PHACTR3: variants seen among roughly 807,000 people sequenced by gnomAD.
The protein encoded by PHACTR3 is protein phosphatase 1, regulatory subunit 123.
Under a neutral mutation model 66.8 loss-of-function variants are expected in PHACTR3, and 16 were observed. That is an observed-to-expected ratio of 0.24 (90% CI 0.16 to 0.36). PHACTR3 has a LOEUF of 0.36. Among genes scored for constraint, PHACTR3 ranks in the 10% least tolerant of loss-of-function variants. The pLI is 1.00. For missense variants in PHACTR3, 647 were observed against 719.9 expected, an observed-to-expected ratio of 0.90 and a Z score of 1.16; for synonymous variants, 323 against 292.1, an observed-to-expected ratio of 1.11 and a Z score of -1.08.
At chr20:59,674,097 G>A (rs1298523802) in intron 1 of PHACTR3, among the ~76,000 whole-genome samples, 1 of 151,870 alleles carries the variant, frequency 6.6e-6, no homozygotes, top group Admixed American at 6.6e-5. Flanking sequence ...GGCAGGAATC[G>A]GGAGCCAGCC....
intron 1 of PHACTR3, among the ~76,000 whole-genome samples, chr20:59,621,018 C>G (rs2034213071): frequency 6.6e-6 from 1 of 152,206 alleles, no homozygotes; most frequent in Non-Finnish European, 1.5e-5. Flanking sequence ...CTGGAACTGT[C>G]CCAGACGTGG....
chr20:59,767,221 G>C lies in PHACTR3; in HGVS notation c.577G>C (p.Asp193His), dbSNP rs1568797667. The C allele has an allele frequency of 6.2e-7, 1 of 1,614,262 alleles. No individual in the cohort carries two copies. ...MPSASSGEEA[D>H]AGSLLPTTNE... ...TTCTGCATCCAGTGGTGAAGAAGCA[G>C]ACGCTGGCAGCCTCCTGCCCACCAC... The change falls in exon 5 of 13, where the codon GAC becomes CAC. Residue 193 changes from aspartate to histidine, a missense_variant. Physicochemically the swap from Asp to His is moderately conservative, Grantham distance 81. Coordinates refer to ENST00000371015, the MANE Select transcript of PHACTR3 (RefSeq NM_080672.5).
chr20:59,592,267 G>A (rs2033205542), intron 1 of PHACTR3, among the ~76,000 whole-genome samples: 1 of 152,118 alleles, frequency 6.6e-6, no homozygotes, highest in Non-Finnish European at 1.5e-5. Flanking sequence ...TCCGGCCTTT[G>A]CACCAGTATT....
At chr20:59,626,887 A>C (rs1270365630) in intron 1 of PHACTR3, 1 of 152,218 alleles carries the variant, frequency 6.6e-6, no homozygotes, top group Non-Finnish European at 1.5e-5. Flanking sequence ...ATCAACCAGC[A>C]TGTTGGGTGA....
chr20:59,623,817 G>A (rs1007689351), intron 1 of PHACTR3, among the ~76,000 whole-genome samples: 31 of 152,200 alleles, frequency 2.0e-4, no homozygotes, highest in African/African-American at 6.8e-4. Context: ...CCTGCCACGC[G>A]GGACAGGGAA....
At chr20:59,588,833 G>A (rs190376063) in intron 1 of PHACTR3, among the ~76,000 whole-genome samples, 47 of 152,358 alleles carry the variant, frequency 3.1e-4, no homozygotes, top group Middle Eastern at 3.4e-3. Context: ...ATAAAGCAGG[G>A]CCTGTGTCTC....
chr20:59,578,701 A>G (rs1181694303), intron 1 of PHACTR3, among the ~76,000 whole-genome samples: 3 of 152,146 alleles, frequency 2.0e-5, no homozygotes, highest in African/African-American at 7.2e-5. Flanking sequence ...TGTAGTCCAC[A>G]GGCTAGTGCT....
chr20:59,680,530 T>C (rs964828448), intron 1 of PHACTR3, among the ~76,000 whole-genome samples: 5 of 152,176 alleles, frequency 3.3e-5, no homozygotes, highest in Middle Eastern at 3.2e-3. Flanking sequence ...ACCCTCCTCC[T>C]AACAGCCCTC....
At chr20:59,812,478 G>A (rs554327942) in intron 8 of PHACTR3, among the ~76,000 whole-genome samples, 3 of 152,264 alleles carry the variant, frequency 2.0e-5, no homozygotes, top group South Asian at 2.1e-4. Flanking sequence ...GAGTTTAGAC[G>A]CTCCCTCCTC....
At position 59,604,877 on chromosome 20, in the gene PHACTR3, C is replaced by CTTGTTTTTTTTTTT; in HGVS notation, c.-136_-135insGTTTTTTTTTTTTT. On this transcript the variant is annotated 5_prime_UTR_variant, in exon 1 of 13. Transcript: ENST00000371015. ...TCTCCAGCTCGTTTCCTTTCCCGGC[C>CTTGTTTTTTTTTTT]TTTTTTTTTTTTTTTTTTTTTTAAT... 5 of 977,908 alleles carry CTTGTTTTTTTTTTT rather than the reference C, an allele frequency of 5.1e-6. No individual in the cohort carries two copies. The highest frequency in any genetic ancestry group is 4.9e-4 in the Middle Eastern group (1 of 2,050). The allele number at this position is 977,908 out of a possible 1,614,324, so 60.6% of individuals were successfully genotyped here. A position where few individuals can be genotyped will look rare whatever the true frequency, so the allele number is the denominator to read the frequency against.
chr20:59,774,497 A>G lies in PHACTR3; in HGVS notation c.1174+7A>G, dbSNP rs528363080. ...AACGACTCCATTATTTCTGGTGAGG[A>G]AAGGATGGCCCATTAAGTGTGGGGA... is the stretch of plus-strand genomic sequence containing the variant. On this transcript the variant is annotated splice_region_variant and intron_variant, in intron 7 of 12. Coordinates refer to ENST00000371015, the MANE Select transcript of PHACTR3 (RefSeq NM_080672.5). The G allele has an allele frequency of 6.2e-7, 1 of 1,612,704 alleles. No homozygotes were observed. The highest frequency in any genetic ancestry group is 1.7e-5 in the Admixed American group (1 of 59,908).
intron 11 of PHACTR3, chr20:59,844,267 A>G (rs1290155780): frequency 6.6e-6 from 1 of 152,102 alleles, no homozygotes; most frequent in African/African-American, 2.4e-5. Context: ...ACTCCTCAAA[A>G]TATTGTTTAA....
At chr20:59,752,194 GCA>G (rs953352524) in intron 3 of PHACTR3, among the ~76,000 whole-genome samples, 11 of 152,332 alleles carry the variant, frequency 7.2e-5, no homozygotes, top group South Asian at 2.1e-4. Context: ...CTGCACGTGT[GCA>G]CACACATGCA....
chr20:59,619,285 A>G lies in PHACTR3; in HGVS notation c.118+14153A>G, dbSNP rs144948314. On this transcript the variant is annotated intron_variant, in intron 1 of 12. Transcript: ENST00000371015. Reference sequence around the variant, plus strand: ...TCAGGGAAGCCCTAAAGGGGACAAAATTCTTCCTGGAGATTGAGACTGGAA... The same window carrying G: ...TCAGGGAAGCCCTAAAGGGGACAAAGTTCTTCCTGGAGATTGAGACTGGAA... Among the ~76,000 whole-genome samples the G allele has an allele frequency of 7.3e-4, 111 of 152,172 alleles. 1 individual carries two copies. Among genetic ancestry groups the G allele is most frequent in the Non-Finnish European group, 1.2e-3 (80 of 68,010 alleles).
chr20:59,827,583 G>A (rs976374794), intron 8 of PHACTR3, among the ~76,000 whole-genome samples: 13 of 152,310 alleles, frequency 8.5e-5, no homozygotes, highest in African/African-American at 2.6e-4. Flanking sequence ...CCATGGAGGT[G>A]CAGAGAGGAG....
rs1399767504 is a variant in PHACTR3 at position 59,736,890 on chromosome 20, A to G, written c.119-6217A>G. Among the ~76,000 whole-genome samples, 3 of 152,150 alleles carry G rather than the reference A, an allele frequency of 2.0e-5. No homozygotes were observed. The highest frequency in any genetic ancestry group is 2.4e-5 in the African/African-American group (1 of 41,454). ...GGGAATTTCCTCCCAAGGGGGATGCAGAGCAGCACAGCCTGGGGCCCCTGG... is the reference window on the plus strand; with the variant it reads ...GGGAATTTCCTCCCAAGGGGGATGCGGAGCAGCACAGCCTGGGGCCCCTGG... On this transcript the variant is annotated intron_variant, in intron 1 of 12. Coordinates refer to ENST00000371015, the MANE Select transcript of PHACTR3 (RefSeq NM_080672.5). This position sits in a 1 kb window ranked among gnomAD's most constrained non-coding sequence, Gnocchi z 4.6.
chr20:59,818,381 AAAGG>A (rs1451565803), intron 8 of PHACTR3, among the ~76,000 whole-genome samples: 1 of 152,228 alleles, frequency 6.6e-6, no homozygotes, highest in Non-Finnish European at 1.5e-5. Flanking sequence ...TCCAGGAAGA[AAAGG>A]AAGAAATCTG....
intron 1 of PHACTR3, among the ~76,000 whole-genome samples, chr20:59,589,805 A>G (rs527921570): frequency 5.0e-4 from 76 of 152,364 alleles, no homozygotes; most frequent in South Asian, 1.2e-3. Flanking sequence ...AAAGAAGTAA[A>G]CACTAATAGT....
intron 1 of PHACTR3, among the ~76,000 whole-genome samples, chr20:59,675,794 G>A (rs1371198806): frequency 6.6e-6 from 1 of 152,144 alleles, no homozygotes; most frequent in African/African-American, 2.4e-5. Flanking sequence ...TGTCACCAGT[G>A]CTGAGGCTGA....
Sources: gnomAD v4.1 joint callset for allele counts (sites outside exome capture counted in the v4.1 genomes callset) on GRCh38, gnomAD v4.1.1 for gene constraint, Gnocchi (gnomAD v3.1) non-coding constraint, MANE v1.5 for transcripts, NCBI Gene and HGNC (gene_info 2026-07-23, HGNC 2026-07-21) for gene names.